QTGAL: variants seen among roughly 807,000 people sequenced by gnomAD.
The protein encoded by QTGAL is BGnT-like protein 1.
the QTGAL span, among the ~76,000 whole-genome samples, chr17:83,049,396 T>C: frequency 1.3e-5 from 2 of 150,950 alleles, no homozygotes; most frequent in South Asian, 2.1e-4. Context: ...AACTCACTCA[T>C]GAAAATAACT....
At chr17:83,041,643 G>A in the QTGAL span, among the ~76,000 whole-genome samples, 63,070 of 151,930 alleles carry the variant, frequency 0.42, 13,363 homozygotes, top group East Asian at 0.62. Context: ...CCTGCTGTAA[G>A]TTTAAAACAT....
At chr17:83,044,666 A>G in the QTGAL span, among the ~76,000 whole-genome samples, 136 of 152,338 alleles carry the variant, frequency 8.9e-4, no homozygotes, top group African/African-American at 3.2e-3. Flanking sequence ...GATAAAAGCC[A>G]GGCGCGGCGG....
At chr17:82,952,405 T>G in the QTGAL span, among the ~76,000 whole-genome samples, 1 of 152,114 alleles carries the variant, frequency 6.6e-6, no homozygotes, top group East Asian at 1.9e-4. Flanking sequence ...AAGCAGGGGT[T>G]GCAATCCTAG....
the QTGAL span, among the ~76,000 whole-genome samples, chr17:82,982,326 G>GGACT: frequency 2.0e-5 from 3 of 152,222 alleles, no homozygotes; most frequent in African/African-American, 7.2e-5. Flanking sequence ...GTGTGTAAGT[G>GGACT]GACTCCCAGT....
the QTGAL span, chr17:83,006,768 C>G: frequency 3.0e-6 from 3 of 985,476 alleles, no homozygotes; most frequent in Non-Finnish European, 3.6e-6. The surrounding 1 kb of genome is among the most constrained non-coding windows in gnomAD (Gnocchi z 5.8). Flanking sequence ...TAACAGTAGT[C>G]AGGTCCTGTG....
chr17:82,965,255 A>C, the QTGAL span, among the ~76,000 whole-genome samples: 7 of 151,802 alleles, frequency 4.6e-5, no homozygotes, highest in African/African-American at 1.7e-4. Flanking sequence ...GGGGACGGGG[A>C]CACAGACGCC....
At chr17:82,961,129 C>A in the QTGAL span, 2 of 1,608,024 alleles carry the variant, frequency 1.2e-6, no homozygotes, top group African/African-American at 2.7e-5. Flanking sequence ...GCGGATGACG[C>A]CGCCGCCCTT....
chr17:82,957,287 G>A, the QTGAL span: 85 of 1,614,078 alleles, frequency 5.3e-5, no homozygotes, highest in African/African-American at 6.5e-4. Flanking sequence ...TGGACAGGCC[G>A]GGGCCAGGGC....
the QTGAL span, chr17:82,957,079 G>A: frequency 7.9e-5 from 118 of 1,498,280 alleles, no homozygotes; most frequent in Admixed American, 2.4e-4. Context: ...GAGCCAGCAC[G>A]GCCCAGGTGG....
the QTGAL span, among the ~76,000 whole-genome samples, chr17:82,968,860 A>G: frequency 2.8e-4 from 42 of 151,518 alleles, no homozygotes; most frequent in Non-Finnish European, 5.3e-4. Flanking sequence ...TTAGCCAGGC[A>G]TGGTGGCACA....
chr17:82,942,398 A>G, the QTGAL span: 17 of 1,612,928 alleles, frequency 1.1e-5, no homozygotes, highest in East Asian at 3.8e-4. Flanking sequence ...CTGGCTGGGA[A>G]TGGTGTGTGT....
chr17:83,019,363 T>C, the QTGAL span, among the ~76,000 whole-genome samples: 1 of 152,220 alleles, frequency 6.6e-6, no homozygotes, highest in Non-Finnish European at 1.5e-5. Flanking sequence ...ACTTGATATA[T>C]TCAAATTATC....
At chr17:83,010,173 C>T in the QTGAL span, among the ~76,000 whole-genome samples, 2 of 152,018 alleles carry the variant, frequency 1.3e-5, no homozygotes, top group African/African-American at 2.4e-5. Context: ...GCTCGTTCAA[C>T]CACCAGGCAG....
At chr17:82,942,699 C>T in the QTGAL span, 1 of 603,892 alleles carries the variant, frequency 1.7e-6, no homozygotes, top group East Asian at 2.8e-5. Flanking sequence ...AATCATGTAC[C>T]AAGAAGTTCC....
chr17:82,951,406 A>G, the QTGAL span, among the ~76,000 whole-genome samples: 1 of 152,202 alleles, frequency 6.6e-6, no homozygotes. Context: ...CACATCATTC[A>G]GCCTTCACAG....
At chr17:82,972,496 G>A in the QTGAL span, among the ~76,000 whole-genome samples, 2 of 96,688 alleles carry the variant, frequency 2.1e-5, no homozygotes, top group African/African-American at 4.8e-5. Context: ...ACCTGGTGCC[G>A]ACACACCACA....
chr17:82,964,803 G>T, the QTGAL span, among the ~76,000 whole-genome samples: 1 of 105,130 alleles, frequency 9.5e-6, no homozygotes, highest in Non-Finnish European at 2.0e-5. Flanking sequence ...ACGGGGGGAT[G>T]GGGACACGGA....
At chr17:83,017,297 A>C in the QTGAL span, among the ~76,000 whole-genome samples, 1 of 152,252 alleles carries the variant, frequency 6.6e-6, no homozygotes, top group Non-Finnish European at 1.5e-5. Flanking sequence ...ACTATAGTTA[A>C]CAATAAGTTA....
At chr17:83,005,294 T>C in the QTGAL span, 1 of 1,159,300 alleles carries the variant, frequency 8.6e-7, no homozygotes, top group East Asian at 2.4e-5. The surrounding 1 kb of genome is among the most constrained non-coding windows in gnomAD (Gnocchi z 5.6). Context: ...TCATCTCACA[T>C]GTTTTAGGCA....
Sources: allele counts gnomAD v4.1 joint callset (sites outside exome capture counted in the v4.1 genomes callset), GRCh38; gene constraint gnomAD v4.1.1; non-coding constraint Gnocchi (gnomAD v3.1); transcripts MANE v1.5; gene names NCBI Gene and HGNC (gene_info 2026-07-23, HGNC 2026-07-21).